The following PCDHA10 variants were observed in gnomAD, a reference collection of about 807,000 sequenced individuals.
PCDHA10 encodes protocadherin alpha 10.
A neutral mutation model predicts 61.2 loss-of-function variants in PCDHA10; 45 were observed. The observed-to-expected ratio is 0.74, with a 90% confidence interval of 0.58 to 0.94. The LOEUF (loss-of-function observed/expected upper bound fraction) is 0.94, where lower values mean the gene tolerates loss of function less well. PCDHA10 is among the 40% of genes least tolerant of loss of function. The pLI, the probability that PCDHA10 is intolerant of heterozygous loss-of-function variation, is 0.00. For synonymous variants in PCDHA10, 602 were observed against 548.8 expected, an observed-to-expected ratio of 1.10 and a Z score of -1.35; for missense variants, 1,278 against 1,236.2, an observed-to-expected ratio of 1.03 and a Z score of -0.51.
chr5:140,967,779 C>G, intron 1 of PCDHA10: 1 of 1,614,222 alleles, frequency 6.2e-7, no homozygotes, highest in Non-Finnish European at 8.5e-7. Flanking sequence ...GTGCAGGCGA[C>G]TGACCGGGGT....
intron 1 of PCDHA10, among the ~76,000 whole-genome samples, chr5:140,898,222 T>G (rs1373386970): frequency 1.3e-5 from 2 of 152,230 alleles, no homozygotes; most frequent in Non-Finnish European, 2.9e-5. Flanking sequence ...TTTTGGCTTT[T>G]GTTGCCATTG....
At chr5:140,993,406 T>C (rs1382987714) in intron 3 of PCDHA10, among the ~76,000 whole-genome samples, 2 of 150,998 alleles carry the variant, frequency 1.3e-5, no homozygotes, top group South Asian at 4.2e-4. Flanking sequence ...TTAACCACCT[T>C]CATCAGCATT....
At position 140,972,813 on chromosome 5, in the gene PCDHA10, G is replaced by A. The variant is rs559474622; in HGVS notation, c.2389-6136G>A. Reference sequence around the variant, plus strand: ...TGAGTAGCTGAGATTACAGGCACGCGCCACCACGCCTGGCTAATTTTTGTA... The same window carrying A: ...TGAGTAGCTGAGATTACAGGCACGCACCACCACGCCTGGCTAATTTTTGTA... On this transcript the variant is annotated intron_variant, in intron 1 of 3. Transcript: ENST00000307360. Among the ~76,000 whole-genome samples, 11 of 151,984 alleles carry A rather than the reference G, an allele frequency of 7.2e-5. No individual in the cohort carries two copies. In the East Asian group the frequency reaches 1.2e-3, roughly 16 times the overall value.
chr5:140,942,540 G>C lies in PCDHA10; in HGVS notation c.2389-36409G>C, dbSNP rs1013086382. Among the ~76,000 whole-genome samples the C allele has an allele frequency of 8.5e-5, 13 of 152,164 alleles. No homozygotes were observed. In the South Asian group the frequency reaches 1.5e-3, roughly 17 times the overall value. ...GGGGAAGCAACTAACTCAGTATGGT[G>C]GGGGGTAGGGGGTTGAGGCAGAAAA... On this transcript the variant is annotated intron_variant, in intron 1 of 3. Transcript: ENST00000307360.
chr5:140,927,530 GC>G, intron 1 of PCDHA10: 1 of 1,614,080 alleles, frequency 6.2e-7, no homozygotes, highest in Non-Finnish European at 8.5e-7. Flanking sequence ...CTACCTGCCC[GC>G]TCAGGAGACG....
At chr5:140,979,211 A>G (rs1241898337) in intron 2 of PCDHA10, among the ~76,000 whole-genome samples, 18 of 152,222 alleles carry the variant, frequency 1.2e-4, no homozygotes, top group Admixed American at 7.9e-4. Context: ...GTGCTGGCAT[A>G]TAAGAGTCCT....
intron 1 of PCDHA10, chr5:140,966,278 T>TGG (rs1173319352): frequency 3.6e-5 from 13 of 363,192 alleles, no homozygotes; most frequent in Admixed American, 2.8e-4. Context: ...AACTGGACAG[T>TGG]GGGGGTAGGG....
At chr5:140,862,559 A>C in intron 1 of PCDHA10, 1 of 470,052 alleles carries the variant, frequency 2.1e-6, no homozygotes, top group Non-Finnish European at 4.3e-6. Context: ...CGAACAGTGA[A>C]CCACAATGCC....
At chr5:140,872,497 C>T (rs1554166232) in intron 1 of PCDHA10, among the ~76,000 whole-genome samples, 1 of 152,150 alleles carries the variant, frequency 6.6e-6, no homozygotes, top group Non-Finnish European at 1.5e-5. Flanking sequence ...CCTAGTGGTG[C>T]ATGCCTGTAG....
chr5:140,995,285 C>G (rs1179283452), intron 3 of PCDHA10, among the ~76,000 whole-genome samples: 1 of 152,048 alleles, frequency 6.6e-6, no homozygotes, highest in African/African-American at 2.4e-5. Flanking sequence ...ACCAAAACAG[C>G]CAGTCGGATA....
chr5:140,899,249 G>A (rs1256693010), intron 1 of PCDHA10, among the ~76,000 whole-genome samples: 9 of 152,122 alleles, frequency 5.9e-5, no homozygotes, highest in African/African-American at 2.2e-4. Context: ...TGGTGAGAGA[G>A]GGCATCCCTG....
intron 1 of PCDHA10, chr5:140,863,119 A>T: frequency 1.7e-6 from 1 of 591,284 alleles, no homozygotes; most frequent in Non-Finnish European, 3.3e-6. Context: ...GGCGAAAGCT[A>T]CGCGCCACCG....
At chr5:140,981,378 A>G (rs1386165836) in intron 2 of PCDHA10, among the ~76,000 whole-genome samples, 3 of 152,186 alleles carry the variant, frequency 2.0e-5, no homozygotes, top group Non-Finnish European at 4.4e-5. Flanking sequence ...GTTCAAGACC[A>G]GCCTGGTCAA....
At chr5:140,950,751 T>G (rs1051693960) in intron 1 of PCDHA10, among the ~76,000 whole-genome samples, 3 of 152,154 alleles carry the variant, frequency 2.0e-5, no homozygotes, top group African/African-American at 7.2e-5. Flanking sequence ...CTCTCTATCC[T>G]TTCTGGACTC....
At chr5:140,955,823 T>C (rs1189753862) in intron 1 of PCDHA10, among the ~76,000 whole-genome samples, 1 of 152,208 alleles carries the variant, frequency 6.6e-6, no homozygotes, top group African/African-American at 2.4e-5. Flanking sequence ...GTGATTTCCT[T>C]GAGCAGTGGT....
Position 141,009,978 on chromosome 5 carries a change from A to G in PCDHA10, c.*41A>G. On this transcript the variant is annotated 3_prime_UTR_variant, in exon 4 of 4. Coordinates refer to ENST00000307360, the MANE Select transcript of PCDHA10 (RefSeq NM_018901.4). Reference sequence around the variant, plus strand: ...ACAAGCCACTTAGCCAGTTTTTGTAATAATGGCAAATCTCTCCCATGTAGC... The same window carrying G: ...ACAAGCCACTTAGCCAGTTTTTGTAGTAATGGCAAATCTCTCCCATGTAGC... 2 of 1,583,512 alleles carry G rather than the reference A, an allele frequency of 1.3e-6. No homozygotes were observed. Among genetic ancestry groups the G allele is most frequent in the Non-Finnish European group, 1.7e-6 (2 of 1,168,204 alleles).
At position 141,010,397 on chromosome 5, in the gene PCDHA10, A is replaced by C; in HGVS notation, c.*460A>C. On this transcript the variant is annotated 3_prime_UTR_variant, in exon 4 of 4. Coordinates refer to ENST00000307360, the MANE Select transcript of PCDHA10 (RefSeq NM_018901.4). ...TGCCAGATATTGGCTGAGACGAGCC[A>C]GCTTAGACTAATTGGTACAAGGAAG... 7.5e-7 allele frequency: 1 copy of C among 1,329,462 alleles called. No individual in the cohort carries two copies. The highest frequency in any genetic ancestry group is 1.0e-6 in the Non-Finnish European group (1 of 994,158). The allele number at this position is 1,329,462 out of a possible 1,614,324, so 82.4% of individuals were successfully genotyped here.
intron 1 of PCDHA10, among the ~76,000 whole-genome samples, chr5:140,872,204 C>T (rs1475899671): frequency 6.6e-6 from 1 of 151,738 alleles, no homozygotes. Flanking sequence ...ATCATAAATT[C>T]ATTATATATG....
intron 1 of PCDHA10, chr5:140,927,348 C>T (rs2153588187): frequency 1.2e-6 from 2 of 1,613,982 alleles, no homozygotes; most frequent in South Asian, 1.1e-5. Flanking sequence ...AAGATGACGA[C>T]GAGGGAAGCA....
Sources: gnomAD v4.1 joint callset for allele counts (sites outside exome capture counted in the v4.1 genomes callset) on GRCh38, gnomAD v4.1.1 for gene constraint, MANE v1.5 for transcripts, NCBI Gene and HGNC (gene_info 2026-07-23, HGNC 2026-07-21) for gene names.